The following MIPOL1 variants were observed in gnomAD, a reference collection of about 807,000 sequenced individuals.
MIPOL1 encodes the protein mirror-image polydactyly 1, also known as mirror-image polydactyly gene 1 protein.
A neutral mutation model predicts 60.9 loss-of-function variants in MIPOL1; 57 were observed. The observed-to-expected ratio is 0.94, with a 90% confidence interval of 0.76 to 1.17. MIPOL1 has a LOEUF of 1.17. Among genes scored for constraint, MIPOL1 ranks in the 50% most tolerant of loss-of-function variants. MIPOL1 has a pLI of 0.00. For missense variants in MIPOL1, 551 were observed against 511.6 expected, an observed-to-expected ratio of 1.08 and a Z score of -0.74; for synonymous variants, 179 against 168.8, an observed-to-expected ratio of 1.06 and a Z score of -0.47.
chr14:37,420,061 ATT>A (rs910188853), intron 10 of MIPOL1, among the ~76,000 whole-genome samples: 1 of 148,790 alleles, frequency 6.7e-6, no homozygotes, highest in East Asian at 2.0e-4. Flanking sequence ...ACCTGGCTGA[ATT>A]TTTTTTTTAT....
intron 3 of MIPOL1, among the ~76,000 whole-genome samples, chr14:37,260,008 C>G (rs1484211880): frequency 1.3e-5 from 2 of 152,062 alleles, no homozygotes; most frequent in Non-Finnish European, 2.9e-5. Flanking sequence ...ACCTTTACAT[C>G]CTACACAGCA....
At chr14:37,227,536 T>C (rs555323663) in intron 1 of MIPOL1, among the ~76,000 whole-genome samples, 1 of 151,960 alleles carries the variant, frequency 6.6e-6, no homozygotes, top group East Asian at 1.9e-4. Context: ...GGAAGTGGGG[T>C]GAGCTGGAGG....
rs1255710550 is a variant in MIPOL1 at position 37,248,011 on chromosome 14, C to T, written c.19+104C>T. The T allele has an allele frequency of 2.8e-6, 3 of 1,071,984 alleles. No homozygotes were observed. The East Asian group carries it at 7.4e-5, about 27-fold the overall frequency. The allele number at this position is 1,071,984 out of a possible 1,614,324, so 66.4% of individuals were successfully genotyped here. A position where few individuals can be genotyped will look rare whatever the true frequency, so the allele number is the denominator to read the frequency against. ...AACCAATATATTAGACAGAGGTAGA[C>T]AAGTGCGCACACACACACACAAAAC... On this transcript the variant is annotated intron_variant, in intron 3 of 12. Transcript: ENST00000684589.
chr14:37,465,636 AGTATT>A (rs754254821), intron 11 of MIPOL1, among the ~76,000 whole-genome samples: 17 of 152,278 alleles, frequency 1.1e-4, no homozygotes, highest in Non-Finnish European at 1.9e-4. Flanking sequence ...AATTCAATGT[AGTATT>A]TTCAGTCACC....
chr14:37,235,299 A>G (rs897898433), intron 1 of MIPOL1, among the ~76,000 whole-genome samples: 1 of 152,204 alleles, frequency 6.6e-6, no homozygotes, highest in Non-Finnish European at 1.5e-5. Context: ...CTAATGATCC[A>G]ACAGTGAACC....
At chr14:37,497,109 G>C (rs867213491) in intron 11 of MIPOL1, among the ~76,000 whole-genome samples, 6 of 152,030 alleles carry the variant, frequency 3.9e-5, no homozygotes, top group Non-Finnish European at 8.8e-5. Context: ...AGCTGAAACT[G>C]GATCCCTTCC....
At chr14:37,287,981 T>A (rs1405104287) in intron 7 of MIPOL1, among the ~76,000 whole-genome samples, 1 of 152,088 alleles carries the variant, frequency 6.6e-6, no homozygotes, top group African/African-American at 2.4e-5. Flanking sequence ...CTCTCAGGTA[T>A]GAATTGACCT....
intron 7 of MIPOL1, 46 bp from the exon 8 acceptor site, chr14:37,308,010 C>T (rs1294363865): frequency 1.3e-6 from 2 of 1,557,256 alleles, no homozygotes; most frequent in Non-Finnish European, 8.8e-7. Context: ...TTTTGCTGCA[C>T]TAAGGAAATG....
chr14:37,222,651 T>G (rs1969010366), intron 1 of MIPOL1, among the ~76,000 whole-genome samples: 1 of 152,188 alleles, frequency 6.6e-6, no homozygotes, highest in Non-Finnish European at 1.5e-5. Context: ...TGAGACCTCA[T>G]CAGAATAGCC....
chr14:37,527,017 T>G (rs979888395), intron 12 of MIPOL1, among the ~76,000 whole-genome samples: 1 of 152,174 alleles, frequency 6.6e-6, no homozygotes, highest in Admixed American at 6.5e-5. Context: ...GGAATAAGAT[T>G]AAGCTTTTAA....
chr14:37,440,687 T>C (rs773448303), intron 11 of MIPOL1, among the ~76,000 whole-genome samples: 3 of 152,184 alleles, frequency 2.0e-5, no homozygotes, highest in Non-Finnish European at 4.4e-5. Flanking sequence ...GATGGACACA[T>C]AGGTTGACTC....
chr14:37,453,268 G>A lies in MIPOL1; in HGVS notation c.1031+30319G>A, dbSNP rs545896201. 2.0e-5 allele frequency among the ~76,000 whole-genome samples: 3 copies of A among 152,118 alleles called. No individual in the cohort carries two copies. The East Asian group carries it at 5.8e-4, about 29-fold the overall frequency. On this transcript the variant is annotated intron_variant, in intron 11 of 12. Coordinates refer to ENST00000684589, the MANE Select transcript of MIPOL1 (RefSeq NM_001388067.1). ...CATCTTGTGAGATAATTAGTAGCATGAATTATCTTTATTTAAATGGTTTTA... is the reference window on the plus strand; with the variant it reads ...CATCTTGTGAGATAATTAGTAGCATAAATTATCTTTATTTAAATGGTTTTA...
At chr14:37,369,418 T>G (rs1374374615) in intron 9 of MIPOL1, 99 bp from the exon 10 acceptor site, 3 of 735,006 alleles carry the variant, frequency 4.1e-6, no homozygotes, top group East Asian at 5.5e-5. Context: ...AACCTTGTCT[T>G]TTAGAGAATA....
intron 12 of MIPOL1, among the ~76,000 whole-genome samples, chr14:37,537,742 A>G (rs946675718): frequency 1.3e-5 from 2 of 152,194 alleles, no homozygotes; most frequent in East Asian, 1.9e-4. Flanking sequence ...GGACTCTTCA[A>G]TATAGCTTTC....
chr14:37,449,332 ATAAG>A (rs1401561810), intron 11 of MIPOL1, among the ~76,000 whole-genome samples: 1 of 152,234 alleles, frequency 6.6e-6, no homozygotes, highest in African/African-American at 2.4e-5. Context: ...CACTCAGATT[ATAAG>A]TAATTATATT....
intron 7 of MIPOL1, among the ~76,000 whole-genome samples, chr14:37,292,862 A>G (rs117409475): frequency 0.02 from 2,972 of 152,108 alleles, 41 homozygotes; most frequent in Non-Finnish European, 0.029. Context: ...CTACCTTTCT[A>G]TATAACCCTA....
chr14:37,294,370 A>G (rs1031008938), intron 7 of MIPOL1, among the ~76,000 whole-genome samples: 14 of 152,212 alleles, frequency 9.2e-5, no homozygotes, highest in African/African-American at 3.1e-4. Context: ...AAACCAGAGC[A>G]GAAAAACCGG....
chr14:37,399,649 T>G (rs2093443868), intron 10 of MIPOL1, among the ~76,000 whole-genome samples: 1 of 152,130 alleles, frequency 6.6e-6, no homozygotes, highest in South Asian at 2.1e-4. Context: ...CTTTCATATT[T>G]ACCATGCACT....
chr14:37,235,588 C>T (rs557614564), intron 1 of MIPOL1, among the ~76,000 whole-genome samples: 1 of 152,000 alleles, frequency 6.6e-6, no homozygotes, highest in Admixed American at 6.6e-5. Flanking sequence ...GTATGTGTAT[C>T]ATAAAATGTA....
Sources: gnomAD v4.1 joint callset for allele counts (sites outside exome capture counted in the v4.1 genomes callset) on GRCh38, gnomAD v4.1.1 for gene constraint, MANE v1.5 for transcripts, NCBI Gene and HGNC (gene_info 2026-07-23, HGNC 2026-07-21) for gene names.